INSL6: variants seen among roughly 807,000 people sequenced by gnomAD.
INSL6 encodes the protein insulin-like peptide INSL6.
A neutral mutation model predicts 9.4 loss-of-function variants in INSL6; 16 were observed. The ratio of observed to expected loss-of-function variants is 1.70; its 90% confidence interval spans 1.15 to 2.59. The LOEUF (loss-of-function observed/expected upper bound fraction) is 2.59. Ranked by LOEUF, INSL6 falls within the 30% of genes most tolerant of loss-of-function variation. INSL6 has a pLI of 0.00. For missense variants in INSL6, 391 were observed against 257.3 expected, an observed-to-expected ratio of 1.52 and a Z score of -3.56; for synonymous variants, 154 against 96.9, an observed-to-expected ratio of 1.59 and a Z score of -3.46.
At chr9:5,073,591 T>G in the INSL6 span, 15 of 821,986 alleles carry the variant, frequency 1.8e-5, 1 homozygote, top group African/African-American at 1.2e-4. Flanking sequence ...TCTATAGTCA[T>G]GCTGAAAGTA....
the INSL6 span, among the ~76,000 whole-genome samples, chr9:5,016,405 G>A: frequency 0.089 from 13,504 of 152,206 alleles, 1,760 homozygotes; most frequent in African/African-American, 0.29. Context: ...GTATGTGTGT[G>A]TGTTGAGGGC....
the INSL6 span, among the ~76,000 whole-genome samples, chr9:5,046,275 GTTATA>G: frequency 5.9e-5 from 9 of 152,134 alleles, no homozygotes; most frequent in African/African-American, 1.9e-4. Context: ...TTTGTTTGTT[GTTATA>G]TTATAGAAAT....
At chr9:5,107,537 A>G in the INSL6 span, among the ~76,000 whole-genome samples, 1 of 152,170 alleles carries the variant, frequency 6.6e-6, no homozygotes, top group Non-Finnish European at 1.5e-5. Flanking sequence ...TTAATTTACA[A>G]AAGAACTCAA....
chr9:5,008,959 T>C, the INSL6 span, among the ~76,000 whole-genome samples: 1 of 152,232 alleles, frequency 6.6e-6, no homozygotes, highest in African/African-American at 2.4e-5. Context: ...GGAGTTTGTC[T>C]TGACTGTCTT....
chr9:5,050,783 T>C, the INSL6 span: 2 of 1,613,626 alleles, frequency 1.2e-6, no homozygotes, highest in Non-Finnish European at 8.5e-7. Flanking sequence ...ATGATGAGAA[T>C]AGCCAAAGAA....
At chr9:5,173,214 C>A (rs1234416568) in intron 1 of INSL6, among the ~76,000 whole-genome samples, 2 of 152,084 alleles carry the variant, frequency 1.3e-5, no homozygotes, top group African/African-American at 4.8e-5. Context: ...TGTGGTGATT[C>A]CTCAAAGATC....
At chr9:5,061,173 C>T in the INSL6 span, among the ~76,000 whole-genome samples, 2 of 152,206 alleles carry the variant, frequency 1.3e-5, no homozygotes, top group Non-Finnish European at 2.9e-5. Flanking sequence ...GCATAATTCG[C>T]AGAGCCCTGG....
At chr9:5,173,772 A>T in intron 1 of INSL6, among the ~76,000 whole-genome samples, 1 of 140,632 alleles carries the variant, frequency 7.1e-6, no homozygotes, top group South Asian at 2.4e-4. Context: ...TTTAAAAATA[A>T]AATTAAAAAA....
At chr9:5,148,510 A>T (rs1227788739) in intron 2 of INSL6, among the ~76,000 whole-genome samples, 1 of 152,064 alleles carries the variant, frequency 6.6e-6, no homozygotes, top group African/African-American at 2.4e-5. Context: ...ATTATTAGGT[A>T]TTTCGGGGCC....
At chr9:5,154,136 T>C (rs1220709618) in intron 2 of INSL6, among the ~76,000 whole-genome samples, 1 of 152,024 alleles carries the variant, frequency 6.6e-6, no homozygotes, top group Non-Finnish European at 1.5e-5. Context: ...TACAGACCAA[T>C]GGAACAGAAC....
the INSL6 span, among the ~76,000 whole-genome samples, chr9:5,063,965 G>A: frequency 6.6e-6 from 1 of 152,324 alleles, no homozygotes; most frequent in South Asian, 2.1e-4. Flanking sequence ...AGACCAGCCT[G>A]GCCAACATGT....
chr9:5,070,131 C>G, the INSL6 span: 1 of 1,003,230 alleles, frequency 1.0e-6, no homozygotes, highest in Non-Finnish European at 1.4e-6. Flanking sequence ...ATTCATGTGA[C>G]ATTGGAATTA....
At chr9:5,116,577 A>G in the INSL6 span, among the ~76,000 whole-genome samples, 8 of 152,208 alleles carry the variant, frequency 5.3e-5, no homozygotes, top group Non-Finnish European at 7.3e-5. Flanking sequence ...TTAGCTGGCA[A>G]TCAAAAAATA....
At chr9:5,152,993 C>T (rs112156467) in intron 2 of INSL6, among the ~76,000 whole-genome samples, 1 of 152,136 alleles carries the variant, frequency 6.6e-6, no homozygotes, top group African/African-American at 2.4e-5. Context: ...AGGGACTGTA[C>T]CCTGCACTCC....
the INSL6 span, chr9:5,100,769 C>T: frequency 6.6e-6 from 1 of 152,418 alleles, no homozygotes; most frequent in Admixed American, 6.5e-5. Context: ...TCCTACAAAT[C>T]TCAGTACTTT....
chr9:5,020,388 TGA>T, the INSL6 span, among the ~76,000 whole-genome samples: 1 of 152,028 alleles, frequency 6.6e-6, no homozygotes. Context: ...CTGGGCAGGG[TGA>T]GAGTATCCTC....
At chr9:5,167,078 T>C (rs1276737634) in intron 1 of INSL6, among the ~76,000 whole-genome samples, 2 of 151,634 alleles carry the variant, frequency 1.3e-5, no homozygotes, top group African/African-American at 2.4e-5. Flanking sequence ...TGGGACTGAC[T>C]AGGAGGTTGG....
At chr9:5,024,568 T>C in the INSL6 span, among the ~76,000 whole-genome samples, 1 of 152,106 alleles carries the variant, frequency 6.6e-6, no homozygotes, top group Non-Finnish European at 1.5e-5. Flanking sequence ...CATATGGCTT[T>C]TCTACTCTCC....
the INSL6 span, among the ~76,000 whole-genome samples, chr9:5,033,408 T>C: frequency 3.9e-5 from 6 of 152,076 alleles, no homozygotes; most frequent in Non-Finnish European, 7.4e-5. Flanking sequence ...AGATACTCCT[T>C]GAGAAGAGCA....
Sources: gnomAD v4.1 joint callset for allele counts (sites outside exome capture counted in the v4.1 genomes callset) on GRCh38, gnomAD v4.1.1 for gene constraint, MANE v1.5 for transcripts, NCBI Gene and HGNC (gene_info 2026-07-23, HGNC 2026-07-21) for gene names.